Variants in PCSK2 observed in about 807,000 individuals in gnomAD.
PCSK2 encodes the protein proprotein convertase subtilisin/kexin type 2, also known as neuroendocrine convertase 2.
A neutral mutation model predicts 69.7 loss-of-function variants in PCSK2; 14 were observed. That is an observed-to-expected ratio of 0.20 (90% CI 0.13 to 0.31). The LOEUF (loss-of-function observed/expected upper bound fraction) is 0.31, where lower values mean the gene tolerates loss of function less well. Among genes scored for constraint, PCSK2 ranks in the 10% least tolerant of loss-of-function variants. The probability of loss-of-function intolerance (pLI) is 1.00; values close to 1 mark genes in which losing one functional copy is unlikely to be tolerated. For synonymous variants in PCSK2, 307 were observed against 320.7 expected (o/e 0.96, Z 0.46); for missense variants, 544 against 842.5 (o/e 0.65, Z 4.39).
At chr20:17,248,608 T>C (rs1242380903) in intron 1 of PCSK2, among the ~76,000 whole-genome samples, 13 of 152,180 alleles carry the variant, frequency 8.5e-5, no homozygotes. Flanking sequence ...TTTTGTTAGG[T>C]TCATGATCAG....
chr20:17,444,522 C>T (rs1425686699), intron 8 of PCSK2, among the ~76,000 whole-genome samples: 2 of 152,112 alleles, frequency 1.3e-5, no homozygotes, highest in East Asian at 1.9e-4. Context: ...GCATTTTTCA[C>T]GTTGTATATG....
chr20:17,429,612 C>A, intron 7 of PCSK2, 89 bp downstream of exon 7: 2 of 843,574 alleles, frequency 2.4e-6, no homozygotes, highest in Non-Finnish European at 3.6e-6. Flanking sequence ...CCCACTGGTG[C>A]AGAAAAGCTA....
chr20:17,227,295 C>G lies in PCSK2; in HGVS notation c.-11C>G, dbSNP rs1402646647. On this transcript the variant is annotated 5_prime_UTR_variant, in exon 1 of 12. Coordinates refer to ENST00000262545, the MANE Select transcript of PCSK2 (RefSeq NM_002594.5). ...GCGCCTCCTAGCACCACTTTTCACT[C>G]CCAAAGAAGGATGAAGGGTGGTTGT... 3 of 1,612,766 alleles carry G rather than the reference C, an allele frequency of 1.9e-6. No homozygotes were observed. Among genetic ancestry groups the G allele is most frequent in the Non-Finnish European group, 2.5e-6 (3 of 1,179,462 alleles).
rs151265426 is a variant in PCSK2, at chr20:17,477,163, C to T, written c.1431-4421C>T. Among the ~76,000 whole-genome samples, 295 of 152,352 alleles carry T rather than the reference C, an allele frequency of 1.9e-3. 1 individual carries two copies. The highest frequency in any genetic ancestry group is 6.9e-3 in the African/African-American group (286 of 41,580). On this transcript the variant is annotated intron_variant, in intron 11 of 11. Coordinates refer to ENST00000262545, the MANE Select transcript of PCSK2 (RefSeq NM_002594.5). ...ATGCAGAACCAAGGCTTGACTCCAA[C>T]TGGGCACATGACCACTGTCTTTTTG...
intron 1 of PCSK2, among the ~76,000 whole-genome samples, chr20:17,231,007 C>T (rs1986127150): frequency 6.6e-6 from 1 of 152,084 alleles, no homozygotes; most frequent in Admixed American, 6.5e-5. Context: ...CCAAAGAGTG[C>T]CTTAAAATTC....
intron 7 of PCSK2, among the ~76,000 whole-genome samples, chr20:17,433,783 A>AG (rs2032416313): frequency 2.0e-5 from 1 of 50,124 alleles, no homozygotes; most frequent in Non-Finnish European, 4.4e-5. Flanking sequence ...AGCTCCTTTG[A>AG]TTTCTCTCTC....
intron 1 of PCSK2, among the ~76,000 whole-genome samples, chr20:17,249,950 T>C (rs1377883097): frequency 6.6e-6 from 1 of 152,174 alleles, no homozygotes; most frequent in Non-Finnish European, 1.5e-5. Flanking sequence ...GTACTTAATA[T>C]CACTGAACTA....
At chr20:17,368,729 T>C (rs929302963) in intron 4 of PCSK2, among the ~76,000 whole-genome samples, 2 of 152,140 alleles carry the variant, frequency 1.3e-5, no homozygotes, top group African/African-American at 2.4e-5. Context: ...GAAAGCCACA[T>C]TCTGAGGAGA....
chr20:17,465,274 T>G (rs1361093065), intron 10 of PCSK2, 52 bp from the exon 11 acceptor site: 1 of 1,262,204 alleles, frequency 7.9e-7, no homozygotes, highest in Admixed American at 1.8e-5. Flanking sequence ...TCTCTCCCTC[T>G]CTCACCCTGC....
rs112015487 is a variant in PCSK2, at chr20:17,432,991, G to A, written c.709+3468G>A. Among the ~76,000 whole-genome samples the A allele has an allele frequency of 8.9e-3, 1,356 of 152,244 alleles. 16 individuals are homozygous for A. Among genetic ancestry groups the A allele is most frequent in the South Asian group, 0.04 (194 of 4,814 alleles). On this transcript the variant is annotated intron_variant, in intron 7 of 11. Coordinates refer to ENST00000262545, the MANE Select transcript of PCSK2 (RefSeq NM_002594.5). ...CAGGGACAAGAGGCGCCTGAGGGTG[G>A]GGCTCTACAGTTCCTCACTGTTCTG...
At chr20:17,467,529 C>A (rs1431377592) in intron 11 of PCSK2, among the ~76,000 whole-genome samples, 2 of 152,174 alleles carry the variant, frequency 1.3e-5, no homozygotes, top group Admixed American at 1.3e-4. Context: ...TCTGCCAGCT[C>A]TTTGATGACA....
At chr20:17,407,746 T>C (rs2031784684) in intron 5 of PCSK2, among the ~76,000 whole-genome samples, 1 of 152,060 alleles carries the variant, frequency 6.6e-6, no homozygotes, top group African/African-American at 2.4e-5. Context: ...AACTGGCAAC[T>C]TGCCAGTAGT....
chr20:17,275,500 A>G (rs1449216527), intron 2 of PCSK2, among the ~76,000 whole-genome samples: 1 of 152,128 alleles, frequency 6.6e-6, no homozygotes, highest in African/African-American at 2.4e-5. Context: ...ATAGAAAGAA[A>G]GGTTCGAAAA....
chr20:17,330,514 A>T (rs1220687963), intron 2 of PCSK2, among the ~76,000 whole-genome samples: 1 of 152,128 alleles, frequency 6.6e-6, no homozygotes, highest in Non-Finnish European at 1.5e-5. Flanking sequence ...GAATCCCTTG[A>T]ACCAGGGAGG....
At chr20:17,319,207 G>C (rs1989789488) in intron 2 of PCSK2, among the ~76,000 whole-genome samples, 1 of 152,084 alleles carries the variant, frequency 6.6e-6, no homozygotes, top group East Asian at 1.9e-4. Flanking sequence ...AGACAAAAAA[G>C]TTGCAATAAG....
At chr20:17,424,322 A>C (rs2032197753) in intron 6 of PCSK2, among the ~76,000 whole-genome samples, 1 of 152,188 alleles carries the variant, frequency 6.6e-6, no homozygotes, top group Non-Finnish European at 1.5e-5. Context: ...GAAACATGCA[A>C]AGAGTGACAT....
At chr20:17,258,534 C>A (rs1987262585) in intron 1 of PCSK2, among the ~76,000 whole-genome samples, 1 of 152,000 alleles carries the variant, frequency 6.6e-6, no homozygotes, top group Non-Finnish European at 1.5e-5. Flanking sequence ...CTAAATAAGT[C>A]ATGGTATAGC....
chr20:17,435,492 C>A (rs1329470798), intron 7 of PCSK2, among the ~76,000 whole-genome samples: 1 of 152,180 alleles, frequency 6.6e-6, no homozygotes, highest in African/African-American at 2.4e-5. Context: ...AAAGCAATTT[C>A]ATGTCCATTT....
intron 2 of PCSK2, among the ~76,000 whole-genome samples, chr20:17,270,556 C>T (rs1390401766): frequency 1.3e-5 from 2 of 152,196 alleles, no homozygotes; most frequent in African/African-American, 2.4e-5. Flanking sequence ...ATCTTCTCTA[C>T]GATGAGCATG....
Sources: gnomAD v4.1 joint callset for allele counts (sites outside exome capture counted in the v4.1 genomes callset) on GRCh38, gnomAD v4.1.1 for gene constraint, MANE v1.5 for transcripts, NCBI Gene and HGNC (gene_info 2026-07-23, HGNC 2026-07-21) for gene names.